Variants in DLGAP2 observed in about 807,000 individuals in gnomAD.
DLGAP2 encodes the protein disks large-associated protein 2.
In DLGAP2, 26 loss-of-function variants were observed where a neutral mutation model predicts 100.3. The observed-to-expected ratio is 0.26, with a 90% CI of 0.19 to 0.36. The LOEUF is 0.36. DLGAP2 is among the 10% of genes least tolerant of loss of function. DLGAP2 has a pLI of 1.00. For missense variants in DLGAP2, 1,858 were observed against 1,453.2 expected (o/e 1.28, Z -4.53); for synonymous variants, 886 against 630.1 (o/e 1.41, Z -6.08).
rs183370261 is a variant in DLGAP2, at chr8:1,573,247, C to T, written c.1442+7353C>T. On this transcript the variant is annotated intron_variant, in intron 6 of 14. Coordinates refer to ENST00000637795, the MANE Select transcript of DLGAP2 (RefSeq NM_001346810.2). ...GAGAGAGGGTGAACTGGAGGGGCGT[C>T]TTCTGGGATGGAGAGGAGAGAGGGT... Among the ~76,000 whole-genome samples the T allele has an allele frequency of 2.4e-3, 306 of 127,332 alleles. 2 individuals are homozygous for T. Among genetic ancestry groups the T allele is most frequent in the South Asian group, 0.014 (47 of 3,260 alleles). The allele number at this position is 127,332 out of a possible 152,430, so 83.5% of individuals were successfully genotyped here.
At chr8:1,641,597 C>T (rs768845431) in intron 8 of DLGAP2, among the ~76,000 whole-genome samples, 9 of 152,158 alleles carry the variant, frequency 5.9e-5, no homozygotes, top group Non-Finnish European at 8.8e-5. Flanking sequence ...TCCTATGGCT[C>T]TGTCTCTTCC....
chr8:1,300,545 GA>G, intron 3 of DLGAP2: 1 of 152,414 alleles, frequency 6.6e-6, no homozygotes, highest in South Asian at 2.1e-4. Flanking sequence ...GTCCCGGCGC[GA>G]AGCACACCCT....
Position 1,463,784 on chromosome 8 carries a change from C to T in DLGAP2, c.107-37582C>T, listed in dbSNP as rs936670718. Among the ~76,000 whole-genome samples, 6 of 152,320 alleles carry T rather than the reference C, an allele frequency of 3.9e-5. No homozygotes were observed. The East Asian group carries it at 5.8e-4, about 15-fold the overall frequency. The stretch of plus-strand genomic sequence containing the variant: ...AGATGGGCCTGGAGCACGGGGTGGG[C>T]GAGCAGGTGCAGCCACGAGGGCTTC... On this transcript the variant is annotated intron_variant, in intron 3 of 14. Coordinates refer to ENST00000637795, the MANE Select transcript of DLGAP2 (RefSeq NM_001346810.2).
intron 3 of DLGAP2, among the ~76,000 whole-genome samples, chr8:1,325,477 C>G (rs1292957324): frequency 6.6e-6 from 1 of 152,208 alleles, no homozygotes; most frequent in African/African-American, 2.4e-5. Context: ...CCCATGGTTT[C>G]AAGATTTGGG....
intron 1 of DLGAP2, among the ~76,000 whole-genome samples, chr8:792,142 A>G (rs1822046896): frequency 6.6e-6 from 1 of 152,238 alleles, no homozygotes; most frequent in Non-Finnish European, 1.5e-5. Context: ...CAAGAGTTCT[A>G]GAGAGGCTGA....
intron 3 of DLGAP2, among the ~76,000 whole-genome samples, chr8:1,445,090 TTTTAA>T (rs966978599): frequency 6.6e-6 from 1 of 151,516 alleles, no homozygotes; most frequent in African/African-American, 2.4e-5. Flanking sequence ...TTTTTTTTTT[TTTTAA>T]TTATTATTAT....
At chr8:1,210,513 G>A (rs1166353246) in intron 2 of DLGAP2, among the ~76,000 whole-genome samples, 1 of 152,218 alleles carries the variant, frequency 6.6e-6, no homozygotes, top group Non-Finnish European at 1.5e-5. Flanking sequence ...GCTCAGCTCT[G>A]CTGAAACGTA....
chr8:1,516,768 C>T (rs1259440535), intron 4 of DLGAP2, among the ~76,000 whole-genome samples: 2 of 149,206 alleles, frequency 1.3e-5, no homozygotes, highest in African/African-American at 2.5e-5. Context: ...AAAGAGTACA[C>T]GAATGAGTGA....
intron 6 of DLGAP2, among the ~76,000 whole-genome samples, chr8:1,573,565 GT>G (rs1405308982): frequency 1.3e-5 from 2 of 152,100 alleles, no homozygotes; most frequent in African/African-American, 2.4e-5. Context: ...TCTTGCTTAA[GT>G]TATATTTAGT....
chr8:1,286,243 C>T (rs1398924087), intron 3 of DLGAP2, among the ~76,000 whole-genome samples: 1 of 152,190 alleles, frequency 6.6e-6, no homozygotes, highest in Admixed American at 6.5e-5. Context: ...GAAGAGGTGC[C>T]TTCTGCCATG....
At chr8:1,289,708 G>A (rs1218952340) in intron 3 of DLGAP2, among the ~76,000 whole-genome samples, 6 of 152,116 alleles carry the variant, frequency 3.9e-5, no homozygotes, top group Admixed American at 2.6e-4. Flanking sequence ...GTACCCCCCC[G>A]AGGCTAATGT....
intron 3 of DLGAP2, among the ~76,000 whole-genome samples, chr8:1,410,111 C>G (rs114216986): frequency 1.3e-5 from 2 of 152,166 alleles, no homozygotes; most frequent in African/African-American, 4.8e-5. Flanking sequence ...GAATGCCAGA[C>G]GCTGACACCA....
chr8:1,407,749 C>A (rs1297595512), intron 3 of DLGAP2, among the ~76,000 whole-genome samples: 1 of 143,320 alleles, frequency 7.0e-6, no homozygotes, highest in Non-Finnish European at 1.5e-5. Context: ...TCGTCATCCT[C>A]CAGAGTCGTG....
chr8:900,202 G>C (rs1310044038), intron 1 of DLGAP2, among the ~76,000 whole-genome samples: 1 of 147,242 alleles, frequency 6.8e-6, no homozygotes, highest in Non-Finnish European at 1.5e-5. Context: ...CTCTTCACGG[G>C]GTCGCTCCCG....
At position 1,128,142 on chromosome 8, in the gene DLGAP2, C is replaced by T. The variant is rs564996323; in HGVS notation, c.74-130709C>T. Among the ~76,000 whole-genome samples, 46 of 152,094 alleles carry T rather than the reference C, an allele frequency of 3.0e-4. No homozygotes were observed. The East Asian group carries it at 8.5e-3, about 28-fold the overall frequency. ...GAGGACCTGCTCCCCGTGTTGTGTTCGGTGAGGACCTGCTCCCGGTGTTGT... is the reference window on the plus strand; with the variant it reads ...GAGGACCTGCTCCCCGTGTTGTGTTTGGTGAGGACCTGCTCCCGGTGTTGT... On this transcript the variant is annotated intron_variant, in intron 2 of 14. Coordinates refer to ENST00000637795, the MANE Select transcript of DLGAP2 (RefSeq NM_001346810.2).
intron 2 of DLGAP2, among the ~76,000 whole-genome samples, chr8:1,139,856 G>T (rs1455148183): frequency 5.9e-5 from 9 of 151,990 alleles, no homozygotes; most frequent in African/African-American, 2.2e-4. Flanking sequence ...GTGGCGTAGG[G>T]TTCTATTACT....
At chr8:1,632,037 A>G (rs1797659844) in intron 7 of DLGAP2, among the ~76,000 whole-genome samples, 1 of 152,094 alleles carries the variant, frequency 6.6e-6, no homozygotes, top group Non-Finnish European at 1.5e-5. Flanking sequence ...TCCCCAGGAG[A>G]AACAAGAAGA....
chr8:1,556,079 A>G (rs1465872047), intron 5 of DLGAP2, among the ~76,000 whole-genome samples: 1 of 152,206 alleles, frequency 6.6e-6, no homozygotes, highest in Non-Finnish European at 1.5e-5. Flanking sequence ...CCTCATGGTG[A>G]CTGGGTGCAG....
At chr8:1,613,665 G>T (rs1344268634) in intron 6 of DLGAP2, among the ~76,000 whole-genome samples, 1 of 152,148 alleles carries the variant, frequency 6.6e-6, no homozygotes, top group African/African-American at 2.4e-5. Flanking sequence ...TTTGATAGAT[G>T]AGTAACTCAT....
Sources: allele counts gnomAD v4.1 joint callset (sites outside exome capture counted in the v4.1 genomes callset), GRCh38; gene constraint gnomAD v4.1.1; transcripts MANE v1.5; gene names NCBI Gene and HGNC (gene_info 2026-07-23, HGNC 2026-07-21).